BABAM2: variants seen among roughly 807,000 people sequenced by gnomAD.
The protein encoded by BABAM2 is BRISC and BRCA1-A complex member 2.
A neutral mutation model predicts 54.7 loss-of-function variants in BABAM2; 31 were observed. The ratio of observed to expected loss-of-function variants is 0.57; its 90% CI spans 0.43 to 0.77. The LOEUF is 0.77. Among genes scored for constraint, BABAM2 ranks in the 30% least tolerant of loss-of-function variants. The pLI is 0.00. For missense variants in BABAM2, 364 were observed against 455.8 expected, an observed-to-expected ratio of 0.80 and a Z score of 1.83; for synonymous variants, 167 against 162.9, an observed-to-expected ratio of 1.03 and a Z score of -0.19.
chr2:28,016,188 TTTC>T (rs1674797611), intron 4 of BABAM2: 1 of 1,107,004 alleles, frequency 9.0e-7, no homozygotes, highest in African/African-American at 1.6e-5. Context: ...ACTTACCAGA[TTTC>T]TTCTTTTTTC....
chr2:28,232,409 G>A (rs1464508723), intron 7 of BABAM2, among the ~76,000 whole-genome samples: 1 of 152,152 alleles, frequency 6.6e-6, no homozygotes, highest in Non-Finnish European at 1.5e-5. Flanking sequence ...CCTTTATGCC[G>A]TCACGTTGCA....
chr2:27,964,475 A>G (rs1670700058), intron 3 of BABAM2, among the ~76,000 whole-genome samples: 1 of 152,250 alleles, frequency 6.6e-6, no homozygotes, highest in South Asian at 2.1e-4. Context: ...TGAACCAATA[A>G]TGTAGTGCAA....
chr2:28,182,968 T>C (rs750471209), intron 7 of BABAM2, among the ~76,000 whole-genome samples: 1 of 152,186 alleles, frequency 6.6e-6, no homozygotes, highest in African/African-American at 2.4e-5. Context: ...CTTTACAAGA[T>C]AGACCAAAGC....
chr2:28,248,914 G>A (rs1683160821), intron 10 of BABAM2, among the ~76,000 whole-genome samples: 1 of 152,034 alleles, frequency 6.6e-6, no homozygotes, highest in Non-Finnish European at 1.5e-5. Flanking sequence ...TGCATGCTCA[G>A]TACTATGCGA....
chr2:28,183,357 C>T (rs920842871), intron 7 of BABAM2, among the ~76,000 whole-genome samples: 1 of 152,224 alleles, frequency 6.6e-6, no homozygotes, highest in Non-Finnish European at 1.5e-5. Flanking sequence ...AGGAGAATTG[C>T]TTGAACCTGG....
At chr2:28,030,705 T>C (rs1222111993) in intron 5 of BABAM2, among the ~76,000 whole-genome samples, 1 of 152,178 alleles carries the variant, frequency 6.6e-6, no homozygotes, top group Admixed American at 6.5e-5. Flanking sequence ...TTTTTTTGAA[T>C]CAGGGACTGT....
intron 7 of BABAM2, among the ~76,000 whole-genome samples, chr2:28,149,362 C>G (rs937525919): frequency 6.6e-6 from 1 of 152,134 alleles, no homozygotes; most frequent in African/African-American, 2.4e-5. Context: ...CTTGTTGTCA[C>G]CCTTTGGGGC....
rs566932332 is a variant in BABAM2, at chr2:27,896,814, G to A, written c.128+2130G>A. On this transcript the variant is annotated intron_variant, in intron 2 of 11. Coordinates refer to ENST00000379624, the MANE Select transcript of BABAM2 (RefSeq NM_199191.3). Reference sequence around the variant, plus strand: ...GGTCTGGAGCAGCTTGTGCCCAACTGGGTCCACATTGCTCAGCTGGGTCCG... The same window carrying A: ...GGTCTGGAGCAGCTTGTGCCCAACTAGGTCCACATTGCTCAGCTGGGTCCG... 1.3e-5 allele frequency: 3 copies of A among 232,004 alleles called. No homozygotes were observed. The East Asian group carries it at 4.3e-4, about 33-fold the overall frequency. 14.4% of individuals were successfully genotyped at this position (232,004 alleles called of 1,614,324 possible).
intron 11 of BABAM2, among the ~76,000 whole-genome samples, chr2:28,303,801 A>G (rs981787422): frequency 6.6e-6 from 1 of 152,142 alleles, no homozygotes; most frequent in African/African-American, 2.4e-5. Flanking sequence ...ATCAATGAAC[A>G]TGGTTTTATT....
chr2:28,192,210 A>G (rs185471533), intron 7 of BABAM2, among the ~76,000 whole-genome samples: 14 of 151,638 alleles, frequency 9.2e-5, no homozygotes, highest in African/African-American at 2.9e-4. Context: ...AATTTTTTGT[A>G]TTTTTAGTAG....
chr2:28,118,029 G>T (rs1267380946), intron 6 of BABAM2, among the ~76,000 whole-genome samples: 1 of 152,134 alleles, frequency 6.6e-6, no homozygotes, highest in Non-Finnish European at 1.5e-5. Context: ...ACTCACTATT[G>T]TTTAAACTTG....
chr2:28,237,535 A>C (rs1007634624), intron 8 of BABAM2, among the ~76,000 whole-genome samples: 1 of 151,642 alleles, frequency 6.6e-6, no homozygotes, highest in African/African-American at 2.4e-5. Context: ...TCTTATCTTC[A>C]TCTCTTAACT....
chr2:28,112,642 A>G (rs1368689158), intron 6 of BABAM2, among the ~76,000 whole-genome samples: 2 of 152,068 alleles, frequency 1.3e-5, no homozygotes, highest in African/African-American at 4.8e-5. Flanking sequence ...AGTCTTTGCT[A>G]TTGTGAATAG....
intron 11 of BABAM2, among the ~76,000 whole-genome samples, chr2:28,302,575 CT>C (rs1217927491): frequency 6.6e-6 from 1 of 152,060 alleles, no homozygotes; most frequent in African/African-American, 2.4e-5. Context: ...ATGACCAAGC[CT>C]TTTTGTAGAC....
At chr2:28,309,541 A>G (rs773108245) in intron 11 of BABAM2, 1 of 152,774 alleles carries the variant, frequency 6.5e-6, no homozygotes, top group Non-Finnish European at 1.5e-5. Flanking sequence ...TATGGTAAGA[A>G]TTTGATCATT....
At position 27,985,484 on chromosome 2, in the gene BABAM2, G is replaced by A. The variant is rs185547525; in HGVS notation, c.206-2509G>A. On this transcript the variant is annotated intron_variant, in intron 3 of 11. Transcript: ENST00000379624. ...CATTTCCCTGATAATGGGTGATGTT[G>A]AGCATTTTTTCATATGTTTGTTGCT... Among the ~76,000 whole-genome samples, 552 of 152,214 alleles carry A rather than the reference G, an allele frequency of 3.6e-3. 1 individual carries two copies. Among genetic ancestry groups the A allele is most frequent in the Middle Eastern group, 0.02 (6 of 294 alleles).
chr2:28,066,197 T>TA (rs919215692), intron 6 of BABAM2, among the ~76,000 whole-genome samples: 85 of 150,234 alleles, frequency 5.7e-4, no homozygotes, highest in African/African-American at 2.0e-3. Context: ...AATAAAAAAA[T>TA]AAAAAAAACA....
intron 4 of BABAM2, among the ~76,000 whole-genome samples, chr2:27,992,941 A>G (rs72812547): frequency 0.029 from 4,377 of 152,258 alleles, 103 homozygotes; most frequent in South Asian, 0.1. Context: ...AAGTGTCATT[A>G]TATCAGAGAG....
At chr2:28,330,866 C>T (rs996924691) in intron 11 of BABAM2, among the ~76,000 whole-genome samples, 1 of 152,056 alleles carries the variant, frequency 6.6e-6, no homozygotes, top group Non-Finnish European at 1.5e-5. Flanking sequence ...TAAAAAAGAG[C>T]CCGTATAGCC....
Sources: allele counts gnomAD v4.1 joint callset (sites outside exome capture counted in the v4.1 genomes callset), GRCh38; gene constraint gnomAD v4.1.1; transcripts MANE v1.5; gene names NCBI Gene and HGNC (gene_info 2026-07-23, HGNC 2026-07-21).